USP15: variants seen among roughly 807,000 people sequenced by gnomAD.
The protein encoded by USP15 is ubiquitin carboxyl-terminal hydrolase 15.
A neutral mutation model predicts 127.1 loss-of-function variants in USP15; 18 were observed. That is an observed-to-expected ratio of 0.14 (90% CI 0.10 to 0.21). The LOEUF is 0.21. Ranked by LOEUF, USP15 falls within the 10% of genes least tolerant of loss-of-function variation. The probability of loss-of-function intolerance (pLI) is 1.00; values close to 1 mark genes in which losing one functional copy is unlikely to be tolerated. For synonymous variants in USP15, 364 were observed against 393.7 expected (o/e 0.92, Z 0.89); for missense variants, 805 against 1,159.9 (o/e 0.69, Z 4.44).
chr12:62,309,793 A>C (rs2064602111), intron 3 of USP15, among the ~76,000 whole-genome samples: 1 of 151,922 alleles, frequency 6.6e-6, no homozygotes, highest in South Asian at 2.1e-4. Flanking sequence ...AAATAATCTC[A>C]ATAGAGATAC....
intron 1 of USP15, among the ~76,000 whole-genome samples, chr12:62,261,634 A>G (rs2063061951): frequency 6.6e-6 from 1 of 152,136 alleles, no homozygotes; most frequent in African/African-American, 2.4e-5. Context: ...ATGGACAGTA[A>G]TTTTATTATA....
In USP15 at chr12:62,325,938, G is replaced by T; in HGVS notation, c.683+5G>T. 1 of 1,608,214 alleles carries T rather than the reference G, an allele frequency of 6.2e-7. No individual in the cohort carries two copies. Among genetic ancestry groups the T allele is most frequent in the Non-Finnish European group, 8.5e-7 (1 of 1,176,812 alleles). On this transcript the variant is annotated splice_donor_5th_base_variant and intron_variant, in intron 6 of 21. Coordinates refer to ENST00000280377, the MANE Select transcript of USP15 (RefSeq NM_001252078.2). ...AAGGGGTCCTTCTACTCCTAAGTAA[G>T]TGCTCCCACTTCTTATGGCTTATTG...
At chr12:62,311,340 T>C (rs993155912) in intron 3 of USP15, among the ~76,000 whole-genome samples, 4 of 151,812 alleles carry the variant, frequency 2.6e-5, no homozygotes, top group African/African-American at 7.2e-5. Flanking sequence ...AAGCTGAAGA[T>C]GTAGGAGAAG....
At chr12:62,337,780 C>T (rs533819401) in intron 6 of USP15, among the ~76,000 whole-genome samples, 35 of 152,188 alleles carry the variant, frequency 2.3e-4, no homozygotes, top group Non-Finnish European at 4.9e-4. Flanking sequence ...TGGTTTCCAG[C>T]TTCACCCATG....
intron 3 of USP15, among the ~76,000 whole-genome samples, chr12:62,306,221 T>A (rs1264279999): frequency 6.6e-6 from 1 of 152,204 alleles, no homozygotes; most frequent in East Asian, 1.9e-4. Context: ...GAGATAATGT[T>A]TGCTGTGTTA....
In USP15 at chr12:62,412,474, G is replaced by T. The variant is rs1021163535; in HGVS notation, c.*8099G>T. ...GATACCCACAGTAGAACTTCTTTCCGAACTTCTTTCACAATTGGAGTTAAT... is the reference window on the plus strand; with the variant it reads ...GATACCCACAGTAGAACTTCTTTCCTAACTTCTTTCACAATTGGAGTTAAT... On this transcript the variant is annotated 3_prime_UTR_variant, in exon 22 of 22. Transcript: ENST00000280377. 1 of 152,684 alleles carries T rather than the reference G, an allele frequency of 6.5e-6. No individual in the cohort carries two copies. Among genetic ancestry groups the T allele is most frequent in the Non-Finnish European group, 1.5e-5 (1 of 68,412 alleles). The allele number at this position is 152,684 out of a possible 1,614,324, so 9.5% of individuals were successfully genotyped here. A position where few individuals can be genotyped will look rare whatever the true frequency, so the allele number is the denominator to read the frequency against.
chr12:62,320,324 C>T (rs2064949712), intron 4 of USP15, among the ~76,000 whole-genome samples: 1 of 152,128 alleles, frequency 6.6e-6, no homozygotes, highest in Non-Finnish European at 1.5e-5. Context: ...TCCTGCTCCT[C>T]CATGATAAGA....
At chr12:62,265,466 A>G (rs1460360147) in intron 1 of USP15, among the ~76,000 whole-genome samples, 1 of 152,244 alleles carries the variant, frequency 6.6e-6, no homozygotes, top group Non-Finnish European at 1.5e-5. Flanking sequence ...ACATAGTGGT[A>G]TAGCTGGGAT....
chr12:62,357,646 A>G (rs563106989), intron 8 of USP15, among the ~76,000 whole-genome samples: 2 of 152,256 alleles, frequency 1.3e-5, no homozygotes, highest in African/African-American at 2.4e-5. Context: ...TGGAAACTAT[A>G]TTGTCTCTAA....
In USP15 at chr12:62,372,056, T is replaced by A. The variant is rs186841902; in HGVS notation, c.916-9434T>A. Among the ~76,000 whole-genome samples, 636 of 152,118 alleles carry A rather than the reference T, an allele frequency of 4.2e-3. 4 individuals are homozygous for A. The highest frequency in any genetic ancestry group is 7.4e-3 in the Non-Finnish European group (502 of 67,958). ...AATAAAAATAATGTGTTCGGTATTT[T>A]AAAAAAAATTAGTTCTTTCACACAC... On this transcript the variant is annotated intron_variant, in intron 8 of 21. Transcript: ENST00000280377.
intron 3 of USP15, chr12:62,312,309 G>A: frequency 3.0e-6 from 1 of 336,958 alleles, no homozygotes; most frequent in Admixed American, 3.2e-5. Flanking sequence ...TTGGAATGAA[G>A]GTAAAGTTTC....
Position 62,314,660 on chromosome 12 carries a change from G to T in USP15, c.349-130G>T, listed in dbSNP as rs574732363. 430 of 846,364 alleles carry T rather than the reference G, an allele frequency of 5.1e-4. 2 individuals are homozygous for T. In the African/African-American group the frequency reaches 6.9e-3, roughly 13 times the overall value. 52.4% of individuals were successfully genotyped at this position (846,364 alleles called of 1,614,324 possible). On this transcript the variant is annotated intron_variant, in intron 3 of 21. Coordinates refer to ENST00000280377, the MANE Select transcript of USP15 (RefSeq NM_001252078.2). ...TCCAATATCTTTTTTTATATATATT[G>T]GCAGGCTTTAATAGTGACTGGTTTT...
intron 1 of USP15, among the ~76,000 whole-genome samples, chr12:62,268,204 C>T (rs1340165712): frequency 6.6e-6 from 1 of 151,552 alleles, no homozygotes; most frequent in African/African-American, 2.4e-5. Context: ...CTCATTTTAC[C>T]AGTACAGAAA....
chr12:62,264,939 C>T (rs11174404), intron 1 of USP15, among the ~76,000 whole-genome samples: 50,068 of 152,024 alleles, frequency 0.33, 8,747 homozygotes, highest in African/African-American at 0.45. Context: ...GGAAAAACTT[C>T]TTCAGTCTTG....
intron 1 of USP15, among the ~76,000 whole-genome samples, chr12:62,286,238 C>A (rs571815056): frequency 6.6e-6 from 1 of 151,942 alleles, no homozygotes; most frequent in Non-Finnish European, 1.5e-5. Context: ...AGAGAATTCT[C>A]CAAAGAACAC....
chr12:62,335,100 A>G (rs1410395297), intron 6 of USP15: 3 of 1,488,150 alleles, frequency 2.0e-6, no homozygotes, highest in Admixed American at 4.0e-5. Context: ...GTTTAATTCT[A>G]GGTAAGTGGT....
intron 1 of USP15, among the ~76,000 whole-genome samples, chr12:62,291,394 C>G (rs929584186): frequency 3.3e-5 from 5 of 152,054 alleles, no homozygotes; most frequent in Non-Finnish European, 7.4e-5. Context: ...TTTTTATTTT[C>G]AAAAGATTTC....
rs1441155661 is a variant in USP15, at chr12:62,304,192, A to G, written c.348+1272A>G. 5.9e-5 allele frequency among the ~76,000 whole-genome samples: 9 copies of G among 152,156 alleles called. 1 individual carries two copies. Among genetic ancestry groups the G allele is most frequent in the Admixed American group, 5.9e-4 (9 of 15,270 alleles). ...GCCATTACTCTTTGAAATAGTCCTC[A>G]TTGAGAGTTCTTGAAACCTGTGTCT... On this transcript the variant is annotated intron_variant, in intron 3 of 21. Coordinates refer to ENST00000280377, the MANE Select transcript of USP15 (RefSeq NM_001252078.2).
intron 11 of USP15, among the ~76,000 whole-genome samples, chr12:62,387,158 A>G (rs2067177531): frequency 6.6e-6 from 1 of 152,190 alleles, no homozygotes; most frequent in Non-Finnish European, 1.5e-5. Context: ...AGAGATATCC[A>G]GTAGGCATTG....
Sources: allele counts gnomAD v4.1 joint callset (sites outside exome capture counted in the v4.1 genomes callset), GRCh38; gene constraint gnomAD v4.1.1; transcripts MANE v1.5; gene names NCBI Gene and HGNC (gene_info 2026-07-23, HGNC 2026-07-21).